Variants in B3GALT1 observed in about 807,000 individuals in gnomAD.
B3GALT1 encodes the protein beta-1,3-galactosyltransferase 1, also known as UDP-Gal:betaGlcNAc beta 1,3-galactosyltransferase, polypeptide 1.
Under a neutral mutation model 23.2 loss-of-function variants are expected in B3GALT1, and 10 were observed. That is an observed-to-expected ratio of 0.43 (90% CI 0.27 to 0.73). The LOEUF (loss-of-function observed/expected upper bound fraction) is 0.73. B3GALT1 is among the 30% of genes least tolerant of loss of function. The pLI is 0.21. For missense variants in B3GALT1, 299 were observed against 405.4 expected (o/e 0.74, Z 2.25); for synonymous variants, 156 against 141.5 (o/e 1.10, Z -0.73).
rs79797044 is a variant in B3GALT1 at position 167,617,464 on chromosome 2, A to G, written c.-409-29445A>G. 5.8e-4 allele frequency among the ~76,000 whole-genome samples: 89 copies of G among 152,156 alleles called. 1 individual carries two copies. In the East Asian group the frequency reaches 0.015, roughly 25 times the overall value. The stretch of plus-strand genomic sequence containing the variant: ...AATTCACCCTCATTGTGATTAAGGA[A>G]TAGCCCATTATTCCACTCCCGCCTA... On this transcript the variant is annotated intron_variant, in intron 2 of 4. Transcript: ENST00000392690.
chr2:167,804,636 G>A lies in B3GALT1; in HGVS notation c.-351-14036G>A, dbSNP rs543586513. 6.6e-5 allele frequency among the ~76,000 whole-genome samples: 10 copies of A among 152,254 alleles called. No homozygotes were observed. In the East Asian group the frequency reaches 1.7e-3, roughly 26 times the overall value. Reference sequence around the variant, plus strand: ...AATGATGGTTTCCAGCTTCATCCATGTCCCTACAAAGGACATGAACTCATC... The same window carrying A: ...AATGATGGTTTCCAGCTTCATCCATATCCCTACAAAGGACATGAACTCATC... On this transcript the variant is annotated intron_variant, in intron 3 of 4. Transcript: ENST00000392690.
At chr2:167,851,427 G>A (rs1254254526) in intron 4 of B3GALT1, among the ~76,000 whole-genome samples, 1 of 152,126 alleles carries the variant, frequency 6.6e-6, no homozygotes, top group Non-Finnish European at 1.5e-5. Context: ...ACTAAGGCCT[G>A]ACACCCCAAA....
intron 1 of B3GALT1, among the ~76,000 whole-genome samples, chr2:167,438,952 A>C (rs181837888): frequency 9.7e-4 from 148 of 152,310 alleles, no homozygotes; most frequent in Admixed American, 4.0e-3. Context: ...ATAGAAAGAT[A>C]TTGTATTATC....
intron 3 of B3GALT1, among the ~76,000 whole-genome samples, chr2:167,798,062 A>G (rs1574267523): frequency 1.3e-5 from 2 of 152,030 alleles, no homozygotes; most frequent in Non-Finnish European, 1.5e-5. Context: ...GCTTTTTATC[A>G]TATGTTTGTT....
At chr2:167,511,553 G>A (rs1196385398) in intron 2 of B3GALT1, among the ~76,000 whole-genome samples, 3 of 151,878 alleles carry the variant, frequency 2.0e-5, no homozygotes, top group Admixed American at 1.3e-4. Context: ...CCCAGTCTTG[G>A]GTTCTTTATA....
chr2:167,719,225 A>G (rs1303679335), intron 3 of B3GALT1, among the ~76,000 whole-genome samples: 1 of 152,126 alleles, frequency 6.6e-6, no homozygotes, highest in Non-Finnish European at 1.5e-5. Context: ...GAGTTTACTC[A>G]TTTTCTATGT....
intron 2 of B3GALT1, among the ~76,000 whole-genome samples, chr2:167,569,811 C>T (rs1392327379): frequency 6.6e-6 from 1 of 151,782 alleles, no homozygotes; most frequent in Non-Finnish European, 1.5e-5. Context: ...TGTAGATATT[C>T]TTCTTAAGTT....
intron 2 of B3GALT1, among the ~76,000 whole-genome samples, chr2:167,608,480 G>GT (rs1185546351): frequency 1.3e-5 from 2 of 152,116 alleles, no homozygotes; most frequent in East Asian, 3.9e-4. Flanking sequence ...AAATTTAGGT[G>GT]TTTTGATACC....
At chr2:167,320,230 C>A (rs1455079146) in intron 1 of B3GALT1, among the ~76,000 whole-genome samples, 4 of 150,812 alleles carry the variant, frequency 2.7e-5, no homozygotes, top group African/African-American at 9.8e-5. Context: ...TGCTCTATCA[C>A]CCAGCCTAGA....
intron 2 of B3GALT1, among the ~76,000 whole-genome samples, chr2:167,509,113 T>C (rs984004572): frequency 2.0e-5 from 3 of 152,176 alleles, no homozygotes; most frequent in African/African-American, 7.2e-5. Context: ...CAAAAATACA[T>C]TGCAATTTAA....
chr2:167,859,250 G>A (rs1690054941), intron 4 of B3GALT1, among the ~76,000 whole-genome samples: 1 of 151,962 alleles, frequency 6.6e-6, no homozygotes, highest in African/African-American at 2.4e-5. Context: ...TCTTATATAA[G>A]GCAGTCAAGA....
chr2:167,844,925 G>A lies in B3GALT1; in HGVS notation c.-229-23886G>A, dbSNP rs146766000. 1.2e-4 allele frequency among the ~76,000 whole-genome samples: 19 copies of A among 152,206 alleles called. No individual in the cohort carries two copies. In the East Asian group the frequency reaches 3.7e-3, roughly 30 times the overall value. ...AGGGGGCACAGTGGGAGTGTGACTG[G>A]CCCTTTGGTTTGCATGAGAGCTGGG... On this transcript the variant is annotated intron_variant, in intron 4 of 4. Coordinates refer to ENST00000392690, the MANE Select transcript of B3GALT1 (RefSeq NM_020981.4).
chr2:167,492,963 C>A (rs897224642), intron 2 of B3GALT1, among the ~76,000 whole-genome samples: 2 of 151,744 alleles, frequency 1.3e-5, no homozygotes, highest in Admixed American at 1.3e-4. Flanking sequence ...TAATAATACA[C>A]CATTGAAATA....
intron 3 of B3GALT1, among the ~76,000 whole-genome samples, chr2:167,690,255 A>G (rs1406568356): frequency 6.6e-6 from 1 of 152,060 alleles, no homozygotes; most frequent in Non-Finnish European, 1.5e-5. Context: ...ACATTTATAA[A>G]CATTATAAAA....
chr2:167,542,124 A>G (rs1282116048), intron 2 of B3GALT1, among the ~76,000 whole-genome samples: 2 of 149,954 alleles, frequency 1.3e-5, no homozygotes, highest in African/African-American at 2.5e-5. Flanking sequence ...ATCCCATCAC[A>G]TATTTTATAT....
intron 3 of B3GALT1, among the ~76,000 whole-genome samples, chr2:167,665,920 G>C (rs968857930): frequency 2.6e-5 from 4 of 151,994 alleles, no homozygotes; most frequent in South Asian, 2.1e-4. Flanking sequence ...CCAGCTCCTG[G>C]ATTCATTAAT....
At chr2:167,835,104 C>T (rs937429071) in intron 4 of B3GALT1, among the ~76,000 whole-genome samples, 29 of 152,118 alleles carry the variant, frequency 1.9e-4, no homozygotes, top group Admixed American at 6.6e-4. Context: ...GCATGAGCGA[C>T]GCAGAAGACG....
intron 1 of B3GALT1, among the ~76,000 whole-genome samples, chr2:167,371,593 G>T (rs1697687835): frequency 6.6e-6 from 1 of 151,998 alleles, no homozygotes; most frequent in African/African-American, 2.4e-5. Flanking sequence ...TCTGACGAAG[G>T]TAATAATGTA....
At chr2:167,484,228 T>A (rs1699595299) in intron 1 of B3GALT1, among the ~76,000 whole-genome samples, 1 of 152,198 alleles carries the variant, frequency 6.6e-6, no homozygotes, top group Admixed American at 6.5e-5. Context: ...TGTTCTTTCT[T>A]TTTTTGGGAG....
Sources: gnomAD v4.1 joint callset for allele counts (sites outside exome capture counted in the v4.1 genomes callset) on GRCh38, gnomAD v4.1.1 for gene constraint, MANE v1.5 for transcripts, NCBI Gene and HGNC (gene_info 2026-07-23, HGNC 2026-07-21) for gene names.